NTM: variants seen among roughly 807,000 people sequenced by gnomAD.
NTM encodes the protein neurotrimin, also known as IgLON family member 2.
NTM carries 13 observed loss-of-function variants against 42.1 expected under a neutral mutation model. The ratio of observed to expected loss-of-function variants is 0.31; its 90% CI spans 0.20 to 0.49. NTM has a LOEUF of 0.49. Ranked by LOEUF, NTM falls within the 20% of genes least tolerant of loss-of-function variation. The pLI, the probability that NTM is intolerant of heterozygous loss-of-function variation, is 0.99. For synonymous variants in NTM, 187 were observed against 179.2 expected (o/e 1.04, Z -0.35); for missense variants, 373 against 452.8 (o/e 0.82, Z 1.60).
chr11:132,073,510 C>T (rs1488412095), intron 2 of NTM, among the ~76,000 whole-genome samples: 1 of 152,138 alleles, frequency 6.6e-6, no homozygotes, highest in Non-Finnish European at 1.5e-5. Flanking sequence ...CATATGGCTC[C>T]ACCTTCTTTC....
At chr11:132,264,793 C>T (rs111329255) in intron 4 of NTM, among the ~76,000 whole-genome samples, 27 of 152,226 alleles carry the variant, frequency 1.8e-4, no homozygotes, top group South Asian at 1.2e-3. Context: ...GCAATGTTTC[C>T]GACAGACATA....
At chr11:132,129,161 A>G (rs959265076) in intron 2 of NTM, among the ~76,000 whole-genome samples, 2 of 152,066 alleles carry the variant, frequency 1.3e-5, no homozygotes, top group Admixed American at 6.6e-5. Flanking sequence ...TCTATTGGTC[A>G]TATATTCTAG....
At chr11:131,495,944 G>A (rs905489366) in intron 1 of NTM, among the ~76,000 whole-genome samples, 1 of 152,214 alleles carries the variant, frequency 6.6e-6, no homozygotes, top group East Asian at 1.9e-4. Context: ...AAAGGATGTT[G>A]AGGGTTTGAA....
At chr11:131,506,833 C>T (rs1387840823) in intron 1 of NTM, among the ~76,000 whole-genome samples, 1 of 152,172 alleles carries the variant, frequency 6.6e-6, no homozygotes, top group East Asian at 1.9e-4. Context: ...AAAGCAGGTA[C>T]CTCTGTCCTT....
chr11:131,739,930 G>A (rs1034586505), intron 1 of NTM, among the ~76,000 whole-genome samples: 11 of 152,202 alleles, frequency 7.2e-5, no homozygotes, highest in Non-Finnish European at 1.6e-4. Context: ...TGAGGAGGGA[G>A]CTAAACGCAC....
At chr11:131,629,219 G>A (rs1330144905) in intron 1 of NTM, among the ~76,000 whole-genome samples, 1 of 152,140 alleles carries the variant, frequency 6.6e-6, no homozygotes, top group Non-Finnish European at 1.5e-5. Flanking sequence ...GTAAGGCCAT[G>A]TGGCTGCAAA....
At chr11:131,491,842 G>T (rs915608514) in intron 1 of NTM, among the ~76,000 whole-genome samples, 1 of 152,186 alleles carries the variant, frequency 6.6e-6, no homozygotes, top group Admixed American at 6.5e-5. Flanking sequence ...GACACGCTCA[G>T]ATCTGGTGAA....
chr11:132,190,242 C>T (rs1322777485), intron 3 of NTM, among the ~76,000 whole-genome samples: 1 of 151,974 alleles, frequency 6.6e-6, no homozygotes, highest in Non-Finnish European at 1.5e-5. Flanking sequence ...GTGTCATGAG[C>T]CATACTAATA....
At chr11:132,206,646 G>A (rs568974427) in intron 3 of NTM, among the ~76,000 whole-genome samples, 198 of 152,278 alleles carry the variant, frequency 1.3e-3, no homozygotes, top group African/African-American at 4.3e-3. Flanking sequence ...CCTGCTCTGC[G>A]TTGCCTCTTG....
intron 3 of NTM, among the ~76,000 whole-genome samples, chr11:132,196,085 C>G (rs1414933382): frequency 1.3e-5 from 2 of 152,016 alleles, no homozygotes; most frequent in Non-Finnish European, 2.9e-5. Flanking sequence ...CTATAACGAA[C>G]TTAATTCAAC....
chr11:131,824,963 T>C (rs1475811828), intron 1 of NTM, among the ~76,000 whole-genome samples: 1 of 152,186 alleles, frequency 6.6e-6, no homozygotes, highest in African/African-American at 2.4e-5. Flanking sequence ...CTAGGGCTGC[T>C]GTAGTAAAGT....
At chr11:131,640,839 C>T (rs550905230) in intron 1 of NTM, among the ~76,000 whole-genome samples, 10 of 152,310 alleles carry the variant, frequency 6.6e-5, no homozygotes, top group South Asian at 4.1e-4. Context: ...CTGTATCTGG[C>T]GCACAGTGTC....
At chr11:131,859,865 T>G (rs1047660332) in intron 1 of NTM, among the ~76,000 whole-genome samples, 3 of 152,148 alleles carry the variant, frequency 2.0e-5, no homozygotes, top group Non-Finnish European at 4.4e-5. Flanking sequence ...TCCCCTTTTT[T>G]TTTTCTCCTT....
At chr11:131,928,496 C>A (rs2058206078) in intron 2 of NTM, among the ~76,000 whole-genome samples, 1 of 151,694 alleles carries the variant, frequency 6.6e-6, no homozygotes, top group Non-Finnish European at 1.5e-5. Context: ...TGTCCCACTA[C>A]AAACTCTGTT....
At chr11:131,568,887 T>G (rs947187866) in intron 1 of NTM, among the ~76,000 whole-genome samples, 2 of 152,322 alleles carry the variant, frequency 1.3e-5, no homozygotes, top group East Asian at 1.9e-4. Flanking sequence ...CCAGATGCTC[T>G]CTCTCTCTCT....
At chr11:132,105,394 A>T (rs1167771981) in intron 2 of NTM, among the ~76,000 whole-genome samples, 1 of 152,180 alleles carries the variant, frequency 6.6e-6, no homozygotes, top group Non-Finnish European at 1.5e-5. Context: ...AACTGTAGAA[A>T]AGAGAGCTAT....
At chr11:131,718,878 C>A (rs1267791335) in intron 1 of NTM, among the ~76,000 whole-genome samples, 1 of 152,150 alleles carries the variant, frequency 6.6e-6, no homozygotes, top group Non-Finnish European at 1.5e-5. Context: ...CTCTCGTTTT[C>A]CATCTCTCAG....
At chr11:131,573,597 C>T (rs1370799382) in intron 1 of NTM, 1 of 152,220 alleles carries the variant, frequency 6.6e-6, no homozygotes, top group Non-Finnish European at 1.5e-5. Flanking sequence ...AAGGCCTCGT[C>T]TTCTGAAACA....
At chr11:131,778,689 C>G (rs2135985176) in intron 1 of NTM, among the ~76,000 whole-genome samples, 1 of 152,326 alleles carries the variant, frequency 6.6e-6, no homozygotes, top group Non-Finnish European at 1.5e-5. Context: ...TAGTCTCATT[C>G]TATCTTCCTC....
Sources: gnomAD v4.1 joint callset for allele counts (sites outside exome capture counted in the v4.1 genomes callset) on GRCh38, gnomAD v4.1.1 for gene constraint, MANE v1.5 for transcripts, NCBI Gene and HGNC (gene_info 2026-07-23, HGNC 2026-07-21) for gene names.